Variants in ATP6V0A4 observed in about 807,000 individuals in gnomAD.
The protein encoded by ATP6V0A4 is ATPase H+ transporting V0 subunit a4, also known as V-type proton ATPase 116 kDa subunit a 4.
A neutral mutation model predicts 107.3 loss-of-function variants in ATP6V0A4; 86 were observed. The observed-to-expected ratio is 0.80, with a 90% CI of 0.67 to 0.96. The LOEUF is 0.96. Among genes scored for constraint, ATP6V0A4 ranks in the 40% least tolerant of loss-of-function variants. ATP6V0A4 has a pLI of 0.00. For synonymous variants in ATP6V0A4, 353 were observed against 381.4 expected (o/e 0.93, Z 0.87); for missense variants, 908 against 1,045.6 (o/e 0.87, Z 1.81).
At chr7:138,717,421 C>T (rs1198971813) in intron 19 of ATP6V0A4, among the ~76,000 whole-genome samples, 2 of 152,078 alleles carry the variant, frequency 1.3e-5, no homozygotes, top group Non-Finnish European at 2.9e-5. Context: ...TGGCGTGCAC[C>T]TGTAATCCAG....
intron 2 of ATP6V0A4, among the ~76,000 whole-genome samples, chr7:138,783,325 C>A (rs1345513812): frequency 2.6e-5 from 4 of 151,980 alleles, no homozygotes; most frequent in Non-Finnish European, 5.9e-5. Flanking sequence ...AACCTCAGCA[C>A]TATGGGGGAC....
intron 1 of ATP6V0A4, among the ~76,000 whole-genome samples, chr7:138,787,481 C>T (rs1048521819): frequency 6.6e-6 from 1 of 152,074 alleles, no homozygotes; most frequent in African/African-American, 2.4e-5. Flanking sequence ...AACCTAGAGG[C>T]AGCTTGGACA....
intron 21 of ATP6V0A4, among the ~76,000 whole-genome samples, chr7:138,707,763 C>A (rs1803521301): frequency 6.6e-6 from 1 of 150,722 alleles, no homozygotes; most frequent in South Asian, 2.1e-4. Context: ...TCCCCTTCCC[C>A]TCCCCTTCAT....
In ATP6V0A4 at chr7:138,709,928, G is replaced by A. The variant is rs939688493; in HGVS notation, c.2258-133C>T. On this transcript the variant is annotated intron_variant, in intron 20 of 21. Coordinates refer to ENST00000310018, the MANE Select transcript of ATP6V0A4 (RefSeq NM_020632.3). The stretch of plus-strand genomic sequence containing the variant: ...AGGGTCTCACTCTGTTGCCTAGGAT[G>A]GTCTCCAACTCCTGGCCTGAAGCAA... 6.5e-5 allele frequency: 69 copies of A among 1,058,310 alleles called. No homozygotes were observed. The African/African-American group carries it at 1.1e-3, about 17-fold the overall frequency. 65.6% of individuals were successfully genotyped at this position (1,058,310 alleles called of 1,614,324 possible).
chr7:138,760,047 C>T (rs2117309504), intron 7 of ATP6V0A4, 169 bp from the exon 8 acceptor site: 1 of 674,070 alleles, frequency 1.5e-6, no homozygotes. Flanking sequence ...ACCCCGCATC[C>T]AGCCCTGACT....
chr7:138,738,696 G>A (rs539535241), intron 15 of ATP6V0A4, among the ~76,000 whole-genome samples: 17 of 152,124 alleles, frequency 1.1e-4, no homozygotes, highest in Non-Finnish European at 2.1e-4. Context: ...GGGCGATAGC[G>A]GAATGACACA....
chr7:138,715,914 G>A (rs1322893608), intron 19 of ATP6V0A4, 33 bp from the exon 20 acceptor site: 3 of 1,608,956 alleles, frequency 1.9e-6, no homozygotes, highest in Middle Eastern at 1.7e-4. Flanking sequence ...TTACTTCATT[G>A]AGAATTTTCT....
chr7:138,792,065 T>G (rs963073570), intron 1 of ATP6V0A4, among the ~76,000 whole-genome samples: 1 of 152,098 alleles, frequency 6.6e-6, no homozygotes, highest in Non-Finnish European at 1.5e-5. Flanking sequence ...TCCCAGCACT[T>G]TGGGAGGCCG....
In ATP6V0A4 at chr7:138,762,951, T is replaced by C. The variant is rs1411621766; in HGVS notation, c.366A>G (p.Leu122=). ...QNQQALKQSF[L]ELTELKYLLK... ...GGAGGTATTTCAGTTCTGTCAGTTC[T>C]AGGAAGCTTTGTTTCAAGGCCTGCT... is the stretch of plus-strand genomic sequence containing the variant. The change falls in exon 6 of 22, where the codon CTA becomes CTG. Residue 122 remains leucine, a synonymous_variant. Coordinates refer to ENST00000310018, the MANE Select transcript of ATP6V0A4 (RefSeq NM_020632.3). The C allele has an allele frequency of 6.2e-7, 1 of 1,614,066 alleles. No individual in the cohort carries two copies. The highest frequency in any genetic ancestry group is 1.3e-5 in the African/African-American group (1 of 74,914).
At chr7:138,710,747 C>T (rs1238118285) in intron 20 of ATP6V0A4, among the ~76,000 whole-genome samples, 3 of 152,186 alleles carry the variant, frequency 2.0e-5, no homozygotes, top group African/African-American at 7.2e-5. Flanking sequence ...TGGCTCTTTT[C>T]ACTCTTTGGT....
At chr7:138,751,419 C>T (rs188539661) in intron 11 of ATP6V0A4, among the ~76,000 whole-genome samples, 124 of 152,074 alleles carry the variant, frequency 8.2e-4, no homozygotes, top group African/African-American at 2.7e-3. Context: ...GTAATGTGTT[C>T]GGCCATCTTG....
At chr7:138,753,006 GC>G (rs1554397545) in intron 10 of ATP6V0A4, 169 bp from the exon 11 acceptor site, 1 of 725,980 alleles carries the variant, frequency 1.4e-6, no homozygotes, top group Non-Finnish European at 1.7e-6. Context: ...TATCTCCCCC[GC>G]TAGAGGCTAA....
At chr7:138,775,890 T>A (rs1051665669) in intron 2 of ATP6V0A4, among the ~76,000 whole-genome samples, 1 of 152,136 alleles carries the variant, frequency 6.6e-6, no homozygotes, top group South Asian at 2.1e-4. Context: ...GACCTTGTGA[T>A]CCACCTGCCT....
chr7:138,768,894 C>T lies in ATP6V0A4; in HGVS notation c.197-20G>A. On this transcript the variant is annotated intron_variant, in intron 4 of 21. Transcript: ENST00000310018. Reference sequence around the variant, plus strand: ...GAAAACCTGAAGAATGAAAACCCACCAGAAACCCCAAGGTGATTGTGTTTT... The same window carrying T: ...GAAAACCTGAAGAATGAAAACCCACTAGAAACCCCAAGGTGATTGTGTTTT... The T allele has an allele frequency of 6.2e-7, 1 of 1,613,732 alleles. No homozygotes were observed. Among genetic ancestry groups the T allele is most frequent in the Non-Finnish European group, 8.5e-7 (1 of 1,179,854 alleles).
At chr7:138,736,979 C>G (rs1805357424) in intron 15 of ATP6V0A4, among the ~76,000 whole-genome samples, 1 of 151,582 alleles carries the variant, frequency 6.6e-6, no homozygotes, top group Admixed American at 6.6e-5. Context: ...TAAACACAGG[C>G]AATCTGATTC....
intron 18 of ATP6V0A4, among the ~76,000 whole-genome samples, chr7:138,725,153 T>A (rs926569813): frequency 2.0e-5 from 3 of 152,096 alleles, no homozygotes; most frequent in Non-Finnish European, 1.5e-5. Context: ...AGGCCTGCAG[T>A]CCCAGCTACT....
At chr7:138,761,535 G>A (rs1806817148) in intron 7 of ATP6V0A4, among the ~76,000 whole-genome samples, 1 of 151,908 alleles carries the variant, frequency 6.6e-6, no homozygotes, top group Non-Finnish European at 1.5e-5. Flanking sequence ...CTCGGCTGAG[G>A]CAGGAGAATG....
At position 138,747,453 on chromosome 7, in the gene ATP6V0A4, C is replaced by T. The variant is rs531117418; in HGVS notation, c.1292G>A (p.Arg431His). Residue 431 changes from arginine (R) to histidine (H), a missense_variant, in exon 13 of 22, where the codon CGC becomes CAC. Coordinates refer to ENST00000310018, the MANE Select transcript of ATP6V0A4 (RefSeq NM_020632.3). ...ATTGTCTGTCTTCTGGGAGAGCAAG[C>T]GTCTCTCATTCAGAATCATCCAAAG... ...AALWMILNER[R>H]LLSQKTDNEI... The T allele has an allele frequency of 3.8e-5, 62 of 1,614,148 alleles. 1 individual carries two copies. The African/African-American group carries it at 4.9e-4, about 13-fold the overall frequency.
At chr7:138,747,726 T>C in intron 12 of ATP6V0A4, 162 bp from the exon 13 acceptor site, 2 of 1,146,680 alleles carry the variant, frequency 1.7e-6, no homozygotes, top group East Asian at 5.2e-5. Flanking sequence ...AGCTGCCACA[T>C]AAATGAGTGC....
Sources: allele counts gnomAD v4.1 joint callset (sites outside exome capture counted in the v4.1 genomes callset), GRCh38; gene constraint gnomAD v4.1.1; transcripts MANE v1.5; gene names NCBI Gene and HGNC (gene_info 2026-07-23, HGNC 2026-07-21).